The following PTPRD variants were observed in gnomAD, a reference collection of about 807,000 sequenced individuals.
The protein encoded by PTPRD is receptor-type tyrosine-protein phosphatase delta.
A neutral mutation model predicts 214.5 loss-of-function variants in PTPRD; 34 were observed. The ratio of observed to expected loss-of-function variants is 0.16; its 90% confidence interval spans 0.12 to 0.21. The LOEUF is 0.21. Among genes scored for constraint, PTPRD ranks in the 10% least tolerant of loss-of-function variants. PTPRD has a pLI of 1.00. For missense variants in PTPRD, 2,545 were observed against 2,398.7 expected (o/e 1.06, Z -1.27); for synonymous variants, 1,128 against 845.7 (o/e 1.33, Z -5.79).
intron 9 of PTPRD, among the ~76,000 whole-genome samples, chr9:9,361,592 TC>T: frequency 6.6e-6 from 1 of 151,022 alleles, no homozygotes; most frequent in East Asian, 2.0e-4. Flanking sequence ...AAAGATCAAA[TC>T]AGTGTAATTG....
intron 23 of PTPRD, among the ~76,000 whole-genome samples, chr9:8,503,276 T>G (rs923350342): frequency 1.3e-5 from 2 of 152,142 alleles, no homozygotes; most frequent in African/African-American, 4.8e-5. Flanking sequence ...TCATGTTTGC[T>G]GATAGGTCTA....
intron 7 of PTPRD, among the ~76,000 whole-genome samples, chr9:9,729,483 C>G (rs2098147949): frequency 6.6e-6 from 1 of 152,098 alleles, no homozygotes; most frequent in South Asian, 2.1e-4. Context: ...ATATGATTTT[C>G]TATATGGTCA....
chr9:9,942,685 G>A (rs75075829), intron 4 of PTPRD, among the ~76,000 whole-genome samples: 5,713 of 152,066 alleles, frequency 0.038, 173 homozygotes, highest in East Asian at 0.19. Flanking sequence ...TTATATCAAT[G>A]CTATTTTAAT....
In PTPRD at chr9:8,443,681, T is replaced by A. The variant is rs537432566; in HGVS notation, c.3988+6044A>T. Reference sequence around the variant, plus strand: ...TAGTTTTGGTTTTGTTTGCAGGTATTTTTGGGCCAGGGAGGAGGTATGAAC... The same window carrying A: ...TAGTTTTGGTTTTGTTTGCAGGTATATTTGGGCCAGGGAGGAGGTATGAAC... On this transcript the variant is annotated intron_variant, in intron 34 of 45. Transcript: ENST00000381196. Among the ~76,000 whole-genome samples, 5 of 152,228 alleles carry A rather than the reference T, an allele frequency of 3.3e-5. No homozygotes were observed. The South Asian group carries it at 1.0e-3, about 32-fold the overall frequency.
chr9:9,502,318 G>T (rs939113937), intron 8 of PTPRD, among the ~76,000 whole-genome samples: 2 of 151,800 alleles, frequency 1.3e-5, no homozygotes, highest in African/African-American at 4.8e-5. Flanking sequence ...ACGCTCTGCT[G>T]CTGTGATGTT....
intron 11 of PTPRD, among the ~76,000 whole-genome samples, chr9:8,998,238 A>G (rs1215680456): frequency 1.3e-5 from 2 of 152,086 alleles, no homozygotes; most frequent in Non-Finnish European, 2.9e-5. Context: ...AAAGCTAGAG[A>G]GAAGTCAATG....
At chr9:8,702,129 T>C (rs997240998) in intron 12 of PTPRD, among the ~76,000 whole-genome samples, 3 of 152,180 alleles carry the variant, frequency 2.0e-5, no homozygotes, top group African/African-American at 7.2e-5. Flanking sequence ...TCATCTACTT[T>C]CATAGCTTTT....
intron 6 of PTPRD, among the ~76,000 whole-genome samples, chr9:9,757,982 A>G (rs2098604308): frequency 6.6e-6 from 1 of 151,932 alleles, no homozygotes; most frequent in African/African-American, 2.4e-5. Flanking sequence ...TTACCAACTT[A>G]TCAGTGCTTA....
chr9:9,046,893 A>G (rs1026703563), intron 10 of PTPRD, among the ~76,000 whole-genome samples: 3 of 152,200 alleles, frequency 2.0e-5, no homozygotes, highest in Non-Finnish European at 4.4e-5. Context: ...CTGTTACTCA[A>G]CATAGCACTG....
intron 4 of PTPRD, among the ~76,000 whole-genome samples, chr9:9,955,864 CAA>C (rs1044438088): frequency 6.6e-6 from 1 of 152,048 alleles, no homozygotes; most frequent in Non-Finnish European, 1.5e-5. Flanking sequence ...TTTCAAATAA[CAA>C]AGATTTTCCA....
intron 9 of PTPRD, among the ~76,000 whole-genome samples, chr9:9,387,782 A>C (rs115203916): frequency 0.047 from 7,216 of 152,088 alleles, 395 homozygotes; most frequent in East Asian, 0.23. Context: ...CCTCTAGGGG[A>C]GCATACAGAT....
chr9:8,372,262 AT>A (rs1298286123), intron 39 of PTPRD, among the ~76,000 whole-genome samples: 1 of 151,972 alleles, frequency 6.6e-6, no homozygotes, highest in Non-Finnish European at 1.5e-5. Context: ...TGATATCCAA[AT>A]TCATGTTGAA....
intron 11 of PTPRD, among the ~76,000 whole-genome samples, chr9:8,914,591 A>T (rs977947896): frequency 1.3e-5 from 2 of 152,188 alleles, no homozygotes; most frequent in Non-Finnish European, 2.9e-5. Flanking sequence ...GAATTATAAC[A>T]GTTTGAACAT....
At chr9:10,241,574 C>G (rs1350176135) in intron 3 of PTPRD, among the ~76,000 whole-genome samples, 3 of 151,830 alleles carry the variant, frequency 2.0e-5, no homozygotes, top group East Asian at 3.9e-4. Context: ...ATAATGATAA[C>G]TACTGAAAGA....
At chr9:9,145,388 G>T (rs1346476838) in intron 10 of PTPRD, among the ~76,000 whole-genome samples, 2 of 152,056 alleles carry the variant, frequency 1.3e-5, no homozygotes, top group East Asian at 1.9e-4. Flanking sequence ...GGGAAAAAAA[G>T]AAAAGTATAT....
chr9:8,354,801 C>T (rs1564210044), intron 39 of PTPRD, among the ~76,000 whole-genome samples: 6 of 152,148 alleles, frequency 3.9e-5, no homozygotes, highest in Admixed American at 2.6e-4. Flanking sequence ...TTCCTTGGAG[C>T]TCCCCAGATG....
At chr9:9,399,019 C>T (rs966028772) in intron 8 of PTPRD, among the ~76,000 whole-genome samples, 1 of 152,000 alleles carries the variant, frequency 6.6e-6, no homozygotes, top group African/African-American at 2.4e-5. Flanking sequence ...CTTCAGGGCC[C>T]ACAACCACTT....
At chr9:8,691,014 T>C (rs1349274235) in intron 12 of PTPRD, among the ~76,000 whole-genome samples, 3 of 152,094 alleles carry the variant, frequency 2.0e-5, no homozygotes, top group East Asian at 3.9e-4. Context: ...TCTGAGAACA[T>C]GTGAAAGAAA....
intron 3 of PTPRD, among the ~76,000 whole-genome samples, chr9:10,121,143 T>C (rs980706078): frequency 1.3e-5 from 2 of 152,294 alleles, no homozygotes; most frequent in East Asian, 1.9e-4. Context: ...TTGTATAGTA[T>C]TGTGAATAAG....
Sources: gnomAD v4.1 joint callset for allele counts (sites outside exome capture counted in the v4.1 genomes callset) on GRCh38, gnomAD v4.1.1 for gene constraint, MANE v1.5 for transcripts, NCBI Gene and HGNC (gene_info 2026-07-23, HGNC 2026-07-21) for gene names.